The following RAB28 variants were observed in gnomAD, a reference collection of about 807,000 sequenced individuals.
RAB28 encodes the protein ras-related protein Rab-28.
Under a neutral mutation model 31.7 loss-of-function variants are expected in RAB28, and 24 were observed. That is an observed-to-expected ratio of 0.76 (90% confidence interval 0.55 to 1.06). RAB28 has a LOEUF of 1.06. RAB28 is among the 50% of genes least tolerant of loss of function. The pLI, the probability that RAB28 is intolerant of heterozygous loss-of-function variation, is 0.00. For missense variants in RAB28, 254 were observed against 258.5 expected, an observed-to-expected ratio of 0.98 and a Z score of 0.12; for synonymous variants, 100 against 90.4, an observed-to-expected ratio of 1.11 and a Z score of -0.60.
At chr4:13,421,768 T>G (rs1413483302) in intron 4 of RAB28, among the ~76,000 whole-genome samples, 1 of 152,210 alleles carries the variant, frequency 6.6e-6, no homozygotes, top group Non-Finnish European at 1.5e-5. Flanking sequence ...GATTATAGAC[T>G]TAAATGTTAG....
chr4:13,473,022 T>C (rs1257063154), intron 3 of RAB28, among the ~76,000 whole-genome samples: 2 of 151,972 alleles, frequency 1.3e-5, no homozygotes, highest in Non-Finnish European at 2.9e-5. Flanking sequence ...GCCAAATCTC[T>C]GCATCAGCAA....
chr4:13,371,675 G>C lies in RAB28; in HGVS notation c.574-3025C>G. 3.4e-6 allele frequency: 5 copies of C among 1,489,666 alleles called. 1 individual carries two copies. The South Asian group carries it at 6.6e-5, about 20-fold the overall frequency. 92.3% of individuals were successfully genotyped at this position (1,489,666 alleles called of 1,614,324 possible). On this transcript the variant is annotated intron_variant, in intron 6 of 6. Transcript: ENST00000330852. ...GCAGATTCCAAATTTCACTTTCTAT[G>C]ATTAGAAAAACATAATTTCCATGTC...
intron 3 of RAB28, among the ~76,000 whole-genome samples, chr4:13,465,819 A>T (rs149033786): frequency 6.6e-6 from 1 of 151,340 alleles, no homozygotes; most frequent in Non-Finnish European, 1.5e-5. Context: ...TTGATTTGAA[A>T]CTATACTACA....
At chr4:13,370,978 C>T in intron 6 of RAB28, 13 of 982,984 alleles carry the variant, frequency 1.3e-5, no homozygotes, top group Non-Finnish European at 1.4e-5. Flanking sequence ...TAAACCTATC[C>T]TCGCTATCCA....
intron 4 of RAB28, among the ~76,000 whole-genome samples, chr4:13,402,967 T>C (rs528906423): frequency 2.0e-5 from 3 of 152,134 alleles, no homozygotes; most frequent in African/African-American, 4.8e-5. Flanking sequence ...ATAATTTCTG[T>C]ATATTTTTGT....
At chr4:13,475,972 C>T (rs1716344136) in intron 2 of RAB28, among the ~76,000 whole-genome samples, 1 of 151,442 alleles carries the variant, frequency 6.6e-6, no homozygotes, top group Non-Finnish European at 1.5e-5. Flanking sequence ...ACTTGCACAA[C>T]TCTTTAGGGT....
intron 3 of RAB28, among the ~76,000 whole-genome samples, chr4:13,465,108 CA>C (rs1414814213): frequency 4.6e-5 from 7 of 151,442 alleles, no homozygotes; most frequent in African/African-American, 1.7e-4. Context: ...AACTGAAATG[CA>C]AAAAGAAAAA....
chr4:13,465,283 T>C (rs1031745920), intron 3 of RAB28, among the ~76,000 whole-genome samples: 3 of 151,718 alleles, frequency 2.0e-5, no homozygotes, highest in Non-Finnish European at 4.4e-5. Flanking sequence ...AAACCACATA[T>C]TTAAGAATCT....
chr4:13,468,620 C>CA (rs1387863658), intron 3 of RAB28, among the ~76,000 whole-genome samples: 1 of 151,014 alleles, frequency 6.6e-6, no homozygotes, highest in African/African-American at 2.4e-5. Context: ...ATTAGAAAAG[C>CA]AAAAAAATCA....
chr4:13,381,968 G>T (rs756439521), intron 4 of RAB28, among the ~76,000 whole-genome samples: 15 of 152,086 alleles, frequency 9.9e-5, no homozygotes, highest in Non-Finnish European at 1.6e-4. Context: ...TTAATTGAAG[G>T]CAAGTTGTAC....
intron 4 of RAB28, among the ~76,000 whole-genome samples, chr4:13,409,286 T>C (rs1414074609): frequency 6.6e-6 from 1 of 152,136 alleles, no homozygotes; most frequent in Non-Finnish European, 1.5e-5. Flanking sequence ...CTGAAAAAGG[T>C]GCTCAAATTT....
intron 4 of RAB28, chr4:13,459,998 G>A (rs1715508327): frequency 1.1e-6 from 1 of 879,362 alleles, no homozygotes; most frequent in Non-Finnish European, 1.6e-6. Context: ...CAGCGGAGCA[G>A]TTATAATAGA....
In RAB28 at chr4:13,466,767, T is replaced by C. The variant is rs546481437; in HGVS notation, c.262-5939A>G. ...TGCAGCACTGTCACAATAGCCAAGC[T>C]ATGTAATAAACCTAAGTGTCCATCA... On this transcript the variant is annotated intron_variant, in intron 3 of 6. Transcript: ENST00000330852. 2.6e-5 allele frequency among the ~76,000 whole-genome samples: 4 copies of C among 152,100 alleles called. No homozygotes were observed. The South Asian group carries it at 8.3e-4, about 32-fold the overall frequency.
chr4:13,391,113 C>T (rs1355151918), intron 4 of RAB28, among the ~76,000 whole-genome samples: 1 of 152,164 alleles, frequency 6.6e-6, no homozygotes, highest in Non-Finnish European at 1.5e-5. Flanking sequence ...TCAGAGTGAA[C>T]AGGCAACCTG....
intron 4 of RAB28, among the ~76,000 whole-genome samples, chr4:13,434,946 G>A (rs1311775754): frequency 2.0e-5 from 3 of 149,692 alleles, no homozygotes; most frequent in Non-Finnish European, 4.4e-5. Context: ...TTGAACCCGG[G>A]AGGTGGAGGT....
chr4:13,425,314 A>G (rs1435099869), intron 4 of RAB28, among the ~76,000 whole-genome samples: 1 of 152,220 alleles, frequency 6.6e-6, no homozygotes, highest in Non-Finnish European at 1.5e-5. Flanking sequence ...TATGAATTTT[A>G]TCAAGAAGAT....
At chr4:13,452,115 A>G in intron 4 of RAB28, among the ~76,000 whole-genome samples, 1 of 151,952 alleles carries the variant, frequency 6.6e-6, no homozygotes, top group Middle Eastern at 3.4e-3. Flanking sequence ...TTTTGGTCCT[A>G]TGGTATCTAT....
intron 4 of RAB28, among the ~76,000 whole-genome samples, chr4:13,435,615 G>A (rs1219300890): frequency 2.0e-5 from 3 of 152,050 alleles, no homozygotes; most frequent in African/African-American, 7.2e-5. Context: ...GCACAAACTA[G>A]AAAACCTAGA....
chr4:13,484,310 G>C lies in RAB28; in HGVS notation c.-160C>G. ...GTATTCGAGGAGAATCACTCGGCAA[G>C]CGCCATCTTGCCCACCTCCCCGCCC... On this transcript the variant is annotated 5_prime_UTR_variant, in exon 1 of 7. Coordinates refer to ENST00000330852, the MANE Select transcript of RAB28 (RefSeq NM_001017979.3). 9.7e-6 allele frequency: 6 copies of C among 621,246 alleles called. No individual in the cohort carries two copies. Among genetic ancestry groups the C allele is most frequent in the South Asian group, 5.4e-5 (3 of 56,030 alleles). The allele number at this position is 621,246 out of a possible 1,614,324, so 38.5% of individuals were successfully genotyped here. A position where few individuals can be genotyped will look rare whatever the true frequency, so the allele number is the denominator to read the frequency against.
Sources: allele counts gnomAD v4.1 joint callset (sites outside exome capture counted in the v4.1 genomes callset), GRCh38; gene constraint gnomAD v4.1.1; transcripts MANE v1.5; gene names NCBI Gene and HGNC (gene_info 2026-07-23, HGNC 2026-07-21).